Variants in MBD2 observed in about 807,000 individuals in gnomAD.
MBD2 encodes the protein methyl-CpG-binding domain protein 2.
Under a neutral mutation model 39.3 loss-of-function variants are expected in MBD2, and 9 were observed. The observed-to-expected ratio is 0.23, with a 90% CI of 0.14 to 0.40. The LOEUF is 0.40. Ranked by LOEUF, MBD2 falls within the 10% of genes least tolerant of loss-of-function variation. The pLI is 1.00. For missense variants in MBD2, 458 were observed against 532.6 expected (o/e 0.86, Z 1.38); for synonymous variants, 233 against 211.1 (o/e 1.10, Z -0.90).
chr18:54,222,096 C>T (rs1222393219), intron 1 of MBD2, among the ~76,000 whole-genome samples: 2 of 152,160 alleles, frequency 1.3e-5, no homozygotes, highest in Non-Finnish European at 2.9e-5. Context: ...AATATAATTG[C>T]CTACAAGACA....
At chr18:54,187,835 C>T (rs969339453) in intron 3 of MBD2, 1 of 985,792 alleles carries the variant, frequency 1.0e-6, no homozygotes, top group Non-Finnish European at 1.2e-6. Flanking sequence ...TTTCCTGGCT[C>T]ACCTGAAGAG....
At chr18:54,177,864 C>G (rs1381013490) in intron 3 of MBD2, among the ~76,000 whole-genome samples, 1 of 116,024 alleles carries the variant, frequency 8.6e-6, no homozygotes, top group Non-Finnish European at 1.7e-5. Context: ...CAGAGTATCA[C>G]TCTGTTGCCC....
chr18:54,213,945 A>C (rs2086532631), intron 1 of MBD2, among the ~76,000 whole-genome samples: 1 of 151,948 alleles, frequency 6.6e-6, no homozygotes, highest in African/African-American at 2.4e-5. Context: ...AAATATGCCC[A>C]AAAACCAGAC....
chr18:54,219,438 G>A lies in MBD2; in HGVS notation c.542+4580C>T, dbSNP rs139879667. Among the ~76,000 whole-genome samples, 783 of 152,250 alleles carry A rather than the reference G, an allele frequency of 5.1e-3. 10 individuals carry two copies. Among genetic ancestry groups the A allele is most frequent in the African/African-American group, 0.016 (669 of 41,532 alleles). On this transcript the variant is annotated intron_variant, in intron 1 of 6. Coordinates refer to ENST00000256429, the MANE Select transcript of MBD2 (RefSeq NM_003927.5). ...TCTGAGTGTTTGGCATTGTGTCGAGGGGAAAGACAGCTATGTGAGAAAGCC... is the reference window on the plus strand; with the variant it reads ...TCTGAGTGTTTGGCATTGTGTCGAGAGGAAAGACAGCTATGTGAGAAAGCC...
intron 2 of MBD2, among the ~76,000 whole-genome samples, chr18:54,199,964 T>C (rs1221812358): frequency 1.3e-5 from 2 of 152,126 alleles, no homozygotes; most frequent in African/African-American, 2.4e-5. Context: ...TTTATTATTG[T>C]TGATAATTAA....
intron 3 of MBD2, among the ~76,000 whole-genome samples, chr18:54,180,890 A>ATTTTTTTTTTTTTT (rs1568083459): frequency 2.4e-4 from 28 of 114,592 alleles, no homozygotes; most frequent in African/African-American, 9.6e-4. Context: ...GTATTCCTTA[A>ATTTTTTTTTTTTTT]TTTTTTCTTT....
chr18:54,218,396 A>T (rs1274783026), intron 1 of MBD2, among the ~76,000 whole-genome samples: 1 of 152,236 alleles, frequency 6.6e-6, no homozygotes, highest in African/African-American at 2.4e-5. Context: ...TTCAGGATAC[A>T]AGTGTAATAG....
chr18:54,212,451 A>G (rs1273214638), intron 1 of MBD2, among the ~76,000 whole-genome samples: 1 of 152,160 alleles, frequency 6.6e-6, no homozygotes, highest in Non-Finnish European at 1.5e-5. Flanking sequence ...CATCTTCTCA[A>G]ATAGCATATT....
At chr18:54,214,640 G>C (rs2086540356) in intron 1 of MBD2, among the ~76,000 whole-genome samples, 2 of 152,008 alleles carry the variant, frequency 1.3e-5, no homozygotes, top group Admixed American at 1.3e-4. Context: ...CTAATTAAAC[G>C]AAGAGAAAGG....
intron 1 of MBD2, among the ~76,000 whole-genome samples, chr18:54,217,120 A>T (rs1421534706): frequency 1.3e-5 from 2 of 152,128 alleles, no homozygotes; most frequent in Non-Finnish European, 2.9e-5. Flanking sequence ...AAAAAATTAA[A>T]GGGGACGATG....
At chr18:54,218,288 C>T (rs1221428648) in intron 1 of MBD2, among the ~76,000 whole-genome samples, 2 of 152,156 alleles carry the variant, frequency 1.3e-5, no homozygotes, top group Admixed American at 1.3e-4. Context: ...GGATTTATTA[C>T]ATTTTTTTCC....
intron 1 of MBD2, among the ~76,000 whole-genome samples, chr18:54,220,254 T>C (rs550634965): frequency 2.0e-5 from 3 of 152,188 alleles, no homozygotes; most frequent in Non-Finnish European, 4.4e-5. Flanking sequence ...GTTCAAATGA[T>C]GGCAACAAAC....
intron 2 of MBD2, among the ~76,000 whole-genome samples, chr18:54,194,778 TTATATGA>T (rs2086352558): frequency 6.6e-6 from 1 of 151,998 alleles, no homozygotes. Flanking sequence ...TCCTTTTGAG[TTATATGA>T]TAGAATGTAA....
chr18:54,192,441 C>T (rs1275912650), intron 2 of MBD2, among the ~76,000 whole-genome samples: 1 of 152,086 alleles, frequency 6.6e-6, no homozygotes, highest in East Asian at 1.9e-4. Flanking sequence ...CCATGTTGGC[C>T]AGCATGGTCT....
At chr18:54,207,895 G>A (rs949588382) in intron 1 of MBD2, among the ~76,000 whole-genome samples, 6 of 152,004 alleles carry the variant, frequency 3.9e-5, no homozygotes, top group South Asian at 2.1e-4. Context: ...AAAATTAGCC[G>A]GGCGTGGTGG....
intron 1 of MBD2, among the ~76,000 whole-genome samples, chr18:54,212,813 T>TA (rs1157613151): frequency 6.6e-6 from 1 of 151,824 alleles, no homozygotes; most frequent in Non-Finnish European, 1.5e-5. Context: ...ACAGATCACT[T>TA]AAGCCATGAG....
chr18:54,188,677 ATTAAC>A (rs1440234163), intron 3 of MBD2, among the ~76,000 whole-genome samples, 192 bp downstream of exon 3: 2 of 152,212 alleles, frequency 1.3e-5, no homozygotes, highest in Non-Finnish European at 2.9e-5. Flanking sequence ...TAGATTCATT[ATTAAC>A]TTCTTAAATT....
chr18:54,162,100 G>A (rs1356882276), intron 5 of MBD2, among the ~76,000 whole-genome samples: 1 of 152,180 alleles, frequency 6.6e-6, no homozygotes, highest in African/African-American at 2.4e-5. Flanking sequence ...GAGCTTGAAA[G>A]AGAACCCCAA....
intron 1 of MBD2, among the ~76,000 whole-genome samples, chr18:54,210,961 TC>T (rs1299800602): frequency 7.4e-6 from 1 of 135,990 alleles, no homozygotes; most frequent in Non-Finnish European, 1.5e-5. Context: ...AAGCTCCGCC[TC>T]CCGGGTTCAC....
Sources: gnomAD v4.1 joint callset for allele counts (sites outside exome capture counted in the v4.1 genomes callset) on GRCh38, gnomAD v4.1.1 for gene constraint, MANE v1.5 for transcripts, NCBI Gene and HGNC (gene_info 2026-07-23, HGNC 2026-07-21) for gene names.